The following PTPRD variants were observed in gnomAD, a reference collection of about 807,000 sequenced individuals.
The protein encoded by PTPRD is receptor-type tyrosine-protein phosphatase delta.
PTPRD carries 34 observed loss-of-function variants against 214.5 expected under a neutral mutation model. That is an observed-to-expected ratio of 0.16 (90% CI 0.12 to 0.21). PTPRD has a LOEUF of 0.21. Among genes scored for constraint, PTPRD ranks in the 10% least tolerant of loss-of-function variants. The pLI, the probability that PTPRD is intolerant of heterozygous loss-of-function variation, is 1.00. For missense variants in PTPRD, 2,545 were observed against 2,398.7 expected, an observed-to-expected ratio of 1.06 and a Z score of -1.27; for synonymous variants, 1,128 against 845.7, an observed-to-expected ratio of 1.33 and a Z score of -5.79.
chr9:10,478,875 T>G (rs2132043564), intron 2 of PTPRD, among the ~76,000 whole-genome samples: 1 of 152,100 alleles, frequency 6.6e-6, no homozygotes, highest in South Asian at 2.1e-4. Flanking sequence ...TATTAGTATT[T>G]ACTATCCAGT....
intron 2 of PTPRD, among the ~76,000 whole-genome samples, chr9:10,534,233 A>T (rs1319249368): frequency 6.6e-6 from 1 of 151,972 alleles, no homozygotes; most frequent in East Asian, 1.9e-4. Context: ...TTCTAAAAAG[A>T]TGTTAAAATT....
intron 5 of PTPRD, among the ~76,000 whole-genome samples, chr9:9,856,781 T>C (rs1019123262): frequency 1.3e-5 from 2 of 152,134 alleles, no homozygotes; most frequent in African/African-American, 4.8e-5. Context: ...CCTTCTTTCT[T>C]GAATGGATGC....
chr9:8,899,709 T>G (rs1401784417), intron 11 of PTPRD, among the ~76,000 whole-genome samples: 1 of 152,198 alleles, frequency 6.6e-6, no homozygotes, highest in Admixed American at 6.6e-5. Context: ...CTCCTTTCAC[T>G]TGCATTTGCA....
At chr9:9,102,123 G>C (rs1416087350) in intron 10 of PTPRD, among the ~76,000 whole-genome samples, 1 of 152,108 alleles carries the variant, frequency 6.6e-6, no homozygotes, top group Admixed American at 6.6e-5. Flanking sequence ...CGTCTTTTAT[G>C]TAATTATTGA....
At chr9:10,077,193 T>C (rs551292690) in intron 3 of PTPRD, among the ~76,000 whole-genome samples, 1 of 152,302 alleles carries the variant, frequency 6.6e-6, no homozygotes, top group African/African-American at 2.4e-5. Context: ...GCAATACCTG[T>C]AGCTTTTTTT....
chr9:8,346,058 C>G (rs114756528), intron 39 of PTPRD, among the ~76,000 whole-genome samples: 209 of 152,160 alleles, frequency 1.4e-3, no homozygotes, highest in African/African-American at 4.9e-3. Context: ...AATAAAGATT[C>G]TAAGCTTAAT....
chr9:9,072,942 C>T (rs561515626), intron 10 of PTPRD, among the ~76,000 whole-genome samples: 10 of 152,128 alleles, frequency 6.6e-5, no homozygotes, highest in Non-Finnish European at 1.5e-4. Flanking sequence ...TACGTGCCAT[C>T]TTGAACAGAT....
chr9:10,259,134 T>G (rs1206584054), intron 3 of PTPRD, among the ~76,000 whole-genome samples: 1 of 152,166 alleles, frequency 6.6e-6, no homozygotes, highest in Admixed American at 6.5e-5. Context: ...ACTATTCTTC[T>G]GCCTCAGCCT....
chr9:8,726,631 ATATATATATATATATATATG>A (rs2098575191), intron 12 of PTPRD, among the ~76,000 whole-genome samples: 1 of 56,600 alleles, frequency 1.8e-5, no homozygotes, highest in Admixed American at 2.7e-4. Context: ...ATATATATAT[ATATATATATATATATATATG>A]ACAGCCAGGT....
intron 9 of PTPRD, among the ~76,000 whole-genome samples, chr9:9,381,520 C>T (rs1224891727): frequency 2.6e-5 from 4 of 151,638 alleles, no homozygotes; most frequent in African/African-American, 9.7e-5. Context: ...ACCACCATAC[C>T]CGGCTAATTT....
intron 5 of PTPRD, among the ~76,000 whole-genome samples, chr9:9,769,814 G>A (rs2098737678): frequency 6.6e-6 from 1 of 151,812 alleles, no homozygotes. Context: ...CTGTGTCCAT[G>A]TGTTCTCATT....
At chr9:8,328,556 G>A (rs184255912) in intron 44 of PTPRD, among the ~76,000 whole-genome samples, 4 of 151,758 alleles carry the variant, frequency 2.6e-5, no homozygotes, top group African/African-American at 9.7e-5. Context: ...TCCTGAATTT[G>A]AATGTTGGCC....
intron 3 of PTPRD, among the ~76,000 whole-genome samples, chr9:10,176,964 T>G (rs528973966): frequency 6.6e-6 from 1 of 151,992 alleles, no homozygotes; most frequent in Admixed American, 6.6e-5. Flanking sequence ...AGCTCTCTTA[T>G]ACAGTGTTGT....
chr9:8,575,886 T>G (rs148284147), intron 14 of PTPRD, among the ~76,000 whole-genome samples: 1 of 152,178 alleles, frequency 6.6e-6, no homozygotes, highest in African/African-American at 2.4e-5. Context: ...AAAGACTAGC[T>G]AGGGATGCTT....
rs563192468 is a variant in PTPRD at position 8,481,561 on chromosome 9, T to C, written c.3413+2558A>G. 2.6e-5 allele frequency among the ~76,000 whole-genome samples: 4 copies of C among 152,338 alleles called. No individual in the cohort carries two copies. In the South Asian group the frequency reaches 8.3e-4, roughly 32 times the overall value. ...ACCACTTTTTGAATTTTTCTCCTTC[T>C]AGAAAATCCCTTTGCCATGCTGCTC... On this transcript the variant is annotated intron_variant, in intron 30 of 45. Coordinates refer to ENST00000381196, the MANE Select transcript of PTPRD (RefSeq NM_002839.4).
chr9:8,533,584 G>C (rs550345115), intron 14 of PTPRD, among the ~76,000 whole-genome samples: 2 of 151,952 alleles, frequency 1.3e-5, no homozygotes, highest in Non-Finnish European at 2.9e-5. Flanking sequence ...ACAAGCAGCT[G>C]TTATCATGAA....
At chr9:9,775,480 T>A (rs1450888089) in intron 5 of PTPRD, among the ~76,000 whole-genome samples, 1 of 152,220 alleles carries the variant, frequency 6.6e-6, no homozygotes, top group East Asian at 1.9e-4. Context: ...AAATAATTAA[T>A]TCACCTCTGT....
chr9:9,615,621 G>C (rs936676678), intron 7 of PTPRD, among the ~76,000 whole-genome samples: 1 of 152,088 alleles, frequency 6.6e-6, no homozygotes, highest in African/African-American at 2.4e-5. Flanking sequence ...CTATCTCCTA[G>C]TTGGATCCAG....
Position 10,128,115 on chromosome 9 carries a change from C to A in PTPRD, c.-544-94325G>T, listed in dbSNP as rs143075901. Among the ~76,000 whole-genome samples the A allele has an allele frequency of 3.4e-3, 518 of 152,254 alleles. 1 individual carries two copies. Among genetic ancestry groups the A allele is most frequent in the African/African-American group, 0.012 (487 of 41,552 alleles). On this transcript the variant is annotated intron_variant, in intron 3 of 45. Coordinates refer to ENST00000381196, the MANE Select transcript of PTPRD (RefSeq NM_002839.4). ...CAGGTTCTTCCCTTTCTGGCCCCAA[C>A]TTTTATTCCAATGTTCTGTATCACT...
Sources: allele counts gnomAD v4.1 joint callset (sites outside exome capture counted in the v4.1 genomes callset), GRCh38; gene constraint gnomAD v4.1.1; transcripts MANE v1.5; gene names NCBI Gene and HGNC (gene_info 2026-07-23, HGNC 2026-07-21).